The following CDC5L variants were observed in gnomAD, a reference collection of about 807,000 sequenced individuals.
CDC5L encodes the protein cell division cycle 5-like protein.
A neutral mutation model predicts 104.1 loss-of-function variants in CDC5L; 18 were observed. That is an observed-to-expected ratio of 0.17 (90% CI 0.12 to 0.26). The LOEUF is 0.26. Ranked by LOEUF, CDC5L falls within the 10% of genes least tolerant of loss-of-function variation. The pLI, the probability that CDC5L is intolerant of heterozygous loss-of-function variation, is 1.00. For missense variants in CDC5L, 673 were observed against 956.9 expected (o/e 0.70, Z 3.91); for synonymous variants, 331 against 322.7 (o/e 1.03, Z -0.28).
At chr6:44,394,891 T>TACACAC (rs57508430) in intron 4 of CDC5L, among the ~76,000 whole-genome samples, 5 of 125,992 alleles carry the variant, frequency 4.0e-5, no homozygotes, top group African/African-American at 1.2e-4. Flanking sequence ...AAAAATGGTA[T>TACACAC]ACACACACAC....
Position 44,426,567 on chromosome 6 carries a change from T to C in CDC5L, c.1736T>C (p.Met579Thr). The C allele has an allele frequency of 1.9e-6, 3 of 1,612,708 alleles. No homozygotes were observed. Among genetic ancestry groups the C allele is most frequent in the Non-Finnish European group, 2.5e-6 (3 of 1,179,026 alleles). ...AGTGAAGAACTAATCAAAAAAGAAA[T>C]GATCACAATGCTTCATTATGACCTT... ...QKSEELIKKE[M>T]ITMLHYDLLH... Residue 579 changes from methionine (M) to threonine (T), a missense_variant, in exon 13 of 16, where the codon ATG becomes ACG. Transcript: ENST00000371477.
intron 7 of CDC5L, among the ~76,000 whole-genome samples, chr6:44,407,917 A>T (rs1791446295): frequency 1.3e-5 from 2 of 152,192 alleles, no homozygotes; most frequent in Admixed American, 1.3e-4. Flanking sequence ...TTTCTTAGGG[A>T]TCTTGTGGCT....
At chr6:44,426,812 C>A in intron 13 of CDC5L, 88 bp downstream of exon 13, 1 of 1,297,380 alleles carries the variant, frequency 7.7e-7, no homozygotes, top group Non-Finnish European at 1.1e-6. Flanking sequence ...TTATTTTTCC[C>A]TGTTGGTATT....
intron 11 of CDC5L, 131 bp from the exon 12 acceptor site, chr6:44,425,972 C>T: frequency 5.4e-6 from 3 of 552,782 alleles, no homozygotes; most frequent in Non-Finnish European, 3.2e-6. Context: ...TGCCTTTCTA[C>T]AAACTTAAAC....
intron 8 of CDC5L, among the ~76,000 whole-genome samples, chr6:44,412,088 C>A (rs115291268): frequency 6.6e-6 from 1 of 152,112 alleles, no homozygotes; most frequent in Non-Finnish European, 1.5e-5. Flanking sequence ...TGTAAGAATC[C>A]CACTAGCCAT....
At chr6:44,399,746 C>A (rs185329627) in intron 5 of CDC5L, among the ~76,000 whole-genome samples, 1 of 152,130 alleles carries the variant, frequency 6.6e-6, no homozygotes, top group South Asian at 2.1e-4. Flanking sequence ...CTCCACCTCC[C>A]GGGTTCACGC....
At chr6:44,393,672 C>CTT in intron 4 of CDC5L, 99 bp downstream of exon 4, 33 of 1,091,162 alleles carry the variant, frequency 3.0e-5, no homozygotes, top group Non-Finnish European at 3.8e-5. Flanking sequence ...TTTAGAATCC[C>CTT]TTTTTTTTTT....
At chr6:44,422,304 G>A (rs569415486) in intron 9 of CDC5L, among the ~76,000 whole-genome samples, 1 of 152,344 alleles carries the variant, frequency 6.6e-6, no homozygotes, top group Admixed American at 6.5e-5. Context: ...GTCATCTGGG[G>A]TCATTGAGTG....
At chr6:44,396,228 T>G in intron 4 of CDC5L, 113 bp from the exon 5 acceptor site, 1 of 591,054 alleles carries the variant, frequency 1.7e-6, no homozygotes, top group Non-Finnish European at 2.9e-6. Context: ...ATAAAATCAG[T>G]ATTTTTATGT....
At chr6:44,410,792 T>A (rs911817520) in intron 8 of CDC5L, among the ~76,000 whole-genome samples, 53 of 152,326 alleles carry the variant, frequency 3.5e-4, no homozygotes, top group Admixed American at 1.6e-3. Flanking sequence ...CTCATGGCCT[T>A]CAATTTTGTA....
Position 44,429,762 on chromosome 6 carries a change from G to A in CDC5L, c.1943G>A (p.Ser648Asn), listed in dbSNP as rs868049942. ...QEMEVVKQGM[S>N]HGELSSEAYN... The stretch of plus-strand genomic sequence containing the variant: ...ATGGAAGTGGTTAAACAAGGAATGA[G>A]CCATGGAGAGCTCTCAAGTGAAGCT... The change falls in exon 14 of 16, where the codon AGC becomes AAC. Residue 648 changes from serine to asparagine, a missense_variant. Transcript: ENST00000371477. The A allele has an allele frequency of 6.2e-7, 1 of 1,614,114 alleles. No homozygotes were observed. Among genetic ancestry groups the A allele is most frequent in the Non-Finnish European group, 8.5e-7 (1 of 1,179,960 alleles).
intron 1 of CDC5L, 117 bp downstream of exon 1, chr6:44,387,985 C>T: frequency 3.3e-6 from 3 of 915,810 alleles, no homozygotes; most frequent in East Asian, 2.7e-5. Flanking sequence ...TGGAGGGCAG[C>T]CCGGGGGCTG....
Position 44,387,715 on chromosome 6 carries a change from A to G in CDC5L, c.-109A>G. 4.1e-6 allele frequency: 4 copies of G among 972,904 alleles called. No individual in the cohort carries two copies. The highest frequency in any genetic ancestry group is 6.4e-6 in the Non-Finnish European group (4 of 626,206). 60.3% of individuals were successfully genotyped at this position (972,904 alleles called of 1,614,324 possible). On this transcript the variant is annotated 5_prime_UTR_variant, in exon 1 of 16. Transcript: ENST00000371477. The stretch of plus-strand genomic sequence containing the variant: ...TTGCGCTTGCGCAGATCTTCAAAGC[A>G]GAAGGTCGCGCTTGGAGGAAGTGGC...
intron 14 of CDC5L, among the ~76,000 whole-genome samples, chr6:44,444,913 A>T (rs999616847): frequency 3.3e-5 from 5 of 152,118 alleles, no homozygotes; most frequent in Non-Finnish European, 7.3e-5. Context: ...AAGGCTTGGA[A>T]AGTGTCCAGC....
chr6:44,411,827 GA>G (rs1315250184), intron 8 of CDC5L, among the ~76,000 whole-genome samples: 1 of 152,150 alleles, frequency 6.6e-6, no homozygotes, highest in African/African-American at 2.4e-5. Context: ...TAGCATATCA[GA>G]AGCTTTAAAA....
chr6:44,418,848 T>TG (rs1479304340), intron 8 of CDC5L, among the ~76,000 whole-genome samples: 8 of 150,990 alleles, frequency 5.3e-5, no homozygotes, highest in Non-Finnish European at 7.4e-5. Flanking sequence ...GTTGTTTGTT[T>TG]TTTTTTTTTT....
chr6:44,390,866 T>A (rs36077616), intron 2 of CDC5L, among the ~76,000 whole-genome samples: 1 of 148,142 alleles, frequency 6.8e-6, no homozygotes, highest in Non-Finnish European at 1.5e-5. Context: ...ATTATATATT[T>A]TATAGTTAAT....
intron 13 of CDC5L, among the ~76,000 whole-genome samples, chr6:44,429,272 A>G (rs1792568304): frequency 6.6e-6 from 1 of 152,104 alleles, no homozygotes; most frequent in South Asian, 2.1e-4. Context: ...CGCCCACCTC[A>G]GCCTCCCGAA....
In CDC5L at chr6:44,449,865, T is replaced by A. The variant is rs1387877232; in HGVS notation, c.*3154T>A. The A allele has an allele frequency of 1.6e-5, 2 of 128,204 alleles. No individual in the cohort carries two copies. The highest frequency in any genetic ancestry group is 3.2e-5 in the Non-Finnish European group (2 of 63,480). 7.9% of individuals were successfully genotyped at this position (128,204 alleles called of 1,614,324 possible). On this transcript the variant is annotated 3_prime_UTR_variant, in exon 16 of 16. Transcript: ENST00000371477. ...AGATTGGTCTTTTGGGCTATTGTAC[T>A]TTTTTTTTTTTTTTTTTGAGATGGA...
Sources: gnomAD v4.1 joint callset for allele counts (sites outside exome capture counted in the v4.1 genomes callset) on GRCh38, gnomAD v4.1.1 for gene constraint, MANE v1.5 for transcripts, NCBI Gene and HGNC (gene_info 2026-07-23, HGNC 2026-07-21) for gene names.